The following SIPA1L3 variants were observed in gnomAD, a reference collection of about 807,000 sequenced individuals.
The protein encoded by SIPA1L3 is signal-induced proliferation-associated 1-like protein 3.
SIPA1L3 carries 59 observed loss-of-function variants against 150.1 expected under a neutral mutation model. The observed-to-expected ratio is 0.39, with a 90% CI of 0.32 to 0.49. SIPA1L3 has a LOEUF of 0.49. Ranked by LOEUF, SIPA1L3 falls within the 20% of genes least tolerant of loss-of-function variation. SIPA1L3 has a pLI of 0.86. For synonymous variants in SIPA1L3, 1,070 were observed against 1,077.6 expected (o/e 0.99, Z 0.14); for missense variants, 2,211 against 2,489.5 (o/e 0.89, Z 2.38).
chr19:37,999,077 G>A (rs1169007976), intron 1 of SIPA1L3, among the ~76,000 whole-genome samples: 1 of 151,996 alleles, frequency 6.6e-6, no homozygotes, highest in African/African-American at 2.4e-5. Context: ...GCTGCCCACA[G>A]ACAGTTGGGA....
chr19:38,185,798 C>A (rs1474537164), intron 16 of SIPA1L3: 1 of 152,132 alleles, frequency 6.6e-6, no homozygotes, highest in Non-Finnish European at 1.5e-5. Context: ...ACCCTAATGA[C>A]CTCATTTTCA....
intron 10 of SIPA1L3, among the ~76,000 whole-genome samples, chr19:38,138,304 G>A (rs1317491111): frequency 1.3e-5 from 2 of 152,098 alleles, no homozygotes; most frequent in East Asian, 3.9e-4. Flanking sequence ...CTTACTGGCT[G>A]TTTCACCTTG....
At chr19:38,080,832 A>G (rs895588289) in intron 2 of SIPA1L3, among the ~76,000 whole-genome samples, 2 of 151,956 alleles carry the variant, frequency 1.3e-5, no homozygotes, top group Non-Finnish European at 2.9e-5. Context: ...TTAGCCGGGC[A>G]TGGTAGCACA....
intron 12 of SIPA1L3, among the ~76,000 whole-genome samples, chr19:38,148,679 T>A (rs1341920570): frequency 6.6e-6 from 1 of 152,148 alleles, no homozygotes; most frequent in Non-Finnish European, 1.5e-5. Flanking sequence ...CACAGTCCTG[T>A]CTGTTTTGGT....
Position 38,192,326 on chromosome 19 carries a change from TCCCCCGCTCCCGAC to T in SIPA1L3, c.4596+21_4596+34del, listed in dbSNP as rs1003427467. The T allele has an allele frequency of 1.9e-6, 3 of 1,568,064 alleles. No individual in the cohort carries two copies. The African/African-American group carries it at 4.1e-5, about 22-fold the overall frequency. On this transcript the variant is annotated intron_variant, in intron 17 of 21. Coordinates refer to ENST00000222345, the MANE Select transcript of SIPA1L3 (RefSeq NM_015073.3). ...AGACACGGGAGTACGTAGGGCCCTG[TCCCCCGCTCCCGAC>T]CCCCAGCTCCCAAGGGGATCCCAGA...
At chr19:38,153,855 A>G (rs1422142372) in intron 13 of SIPA1L3, among the ~76,000 whole-genome samples, 1 of 151,752 alleles carries the variant, frequency 6.6e-6, no homozygotes, top group Admixed American at 6.6e-5. Flanking sequence ...AATTGCTTGA[A>G]CCTGGGAGGC....
chr19:38,079,891 G>A (rs953067678), intron 2 of SIPA1L3, among the ~76,000 whole-genome samples: 9 of 152,158 alleles, frequency 5.9e-5, no homozygotes, highest in Admixed American at 2.0e-4. Flanking sequence ...TCATGGGAAG[G>A]AACCAGCCCC....
intron 1 of SIPA1L3, among the ~76,000 whole-genome samples, chr19:38,018,893 G>T (rs1246743145): frequency 6.6e-6 from 1 of 152,096 alleles, no homozygotes. Flanking sequence ...GTGAGGTAGT[G>T]CCCATTATTG....
At chr19:38,100,371 G>A (rs1320958431) in intron 5 of SIPA1L3, among the ~76,000 whole-genome samples, 1 of 152,228 alleles carries the variant, frequency 6.6e-6, no homozygotes, top group African/African-American at 2.4e-5. Context: ...CTGGGGGTGA[G>A]ATAGCTGCTA....
At chr19:37,997,111 C>T (rs907264154) in intron 1 of SIPA1L3, among the ~76,000 whole-genome samples, 1 of 152,156 alleles carries the variant, frequency 6.6e-6, no homozygotes, top group African/African-American at 2.4e-5. Flanking sequence ...ATGCTAGATA[C>T]ACAACATAAT....
intron 1 of SIPA1L3, among the ~76,000 whole-genome samples, chr19:37,980,059 A>T (rs1288767475): frequency 6.6e-6 from 1 of 152,138 alleles, no homozygotes; most frequent in East Asian, 1.9e-4. Flanking sequence ...CTGTGGAGGG[A>T]TGTATTCAGG....
In SIPA1L3 at chr19:38,076,768, C is replaced by T. The variant is rs150025725; in HGVS notation, c.-310-4488C>T. On this transcript the variant is annotated intron_variant, in intron 2 of 21. Transcript: ENST00000222345. ...TGCAGCTGCAGTTGCCCGCCATTTC[C>T]AGATAAATGAATCCAGTGTGAGGAC... 5.2e-3 allele frequency among the ~76,000 whole-genome samples: 798 copies of T among 152,284 alleles called. 4 individuals carry two copies. The highest frequency in any genetic ancestry group is 0.018 in the African/African-American group (762 of 41,552).
intron 13 of SIPA1L3, among the ~76,000 whole-genome samples, chr19:38,153,961 A>C (rs780001788): frequency 6.6e-6 from 1 of 152,144 alleles, no homozygotes; most frequent in South Asian, 2.1e-4. Flanking sequence ...AGCCTACATG[A>C]TGAAGACACA....
intron 1 of SIPA1L3, among the ~76,000 whole-genome samples, chr19:38,028,626 T>G (rs1968570142): frequency 1.3e-5 from 2 of 152,136 alleles, no homozygotes; most frequent in Non-Finnish European, 2.9e-5. Flanking sequence ...TGAGGACAGC[T>G]ACTTTGTCTT....
intron 21 of SIPA1L3, 86 bp from the exon 22 acceptor site, chr19:38,206,011 C>T: frequency 7.1e-7 from 1 of 1,412,512 alleles, no homozygotes; most frequent in Non-Finnish European, 9.4e-7. Flanking sequence ...ACAGCCGGGC[C>T]AGGGCTCACA....
rs149728646 is a variant in SIPA1L3, at chr19:38,082,564, G to A, written c.999G>A (p.Pro333=). Residue 333 remains proline (P), a synonymous_variant, in exon 3 of 22, where the codon CCG becomes CCA. Coordinates refer to ENST00000222345, the MANE Select transcript of SIPA1L3 (RefSeq NM_015073.3). The part of the protein sequence containing the change: ...EGRSPPEASR[P]WVCQKSFAHF... ...GGAGCCCCCCGGAAGCCAGCAGGCC[G>A]TGGGTGTGTCAGAAGAGCTTCGCCC... is the stretch of plus-strand genomic sequence containing the variant. The A allele has an allele frequency of 2.9e-5, 46 of 1,604,020 alleles. No homozygotes were observed. The African/African-American group carries it at 3.2e-4, about 11-fold the overall frequency.
intron 1 of SIPA1L3, among the ~76,000 whole-genome samples, chr19:37,926,181 T>C (rs1047393164): frequency 2.6e-5 from 4 of 152,204 alleles, no homozygotes; most frequent in Admixed American, 2.6e-4. Context: ...CAATCCTTTC[T>C]TGCTGTGAGG....
rs749979391 is a variant in SIPA1L3, at chr19:38,142,641, G to A, written c.3464G>A (p.Arg1155Gln). Residue 1155 changes from arginine to glutamine, a missense_variant, in exon 12 of 22, where the codon CGA (arginine) becomes CAA (glutamine). Arg to Gln is a conservative substitution (Grantham distance 43). Coordinates refer to ENST00000222345, the MANE Select transcript of SIPA1L3 (RefSeq NM_015073.3). ...GGGGCCGACAGAGTCCCTCCCTACC[G>A]ACAGCCTTCTGGGAGCTTCTCCACC... ...PAGADRVPPY[R>Q]QPSGSFSTPG... 1.4e-5 allele frequency: 23 copies of A among 1,613,824 alleles called. No homozygotes were observed. In the Admixed American group the frequency reaches 3.2e-4, roughly 22 times the overall value.
At chr19:38,023,393 G>C (rs1568506541) in intron 1 of SIPA1L3, among the ~76,000 whole-genome samples, 1 of 152,180 alleles carries the variant, frequency 6.6e-6, no homozygotes, top group Non-Finnish European at 1.5e-5. Context: ...ATAGAATATA[G>C]GTCATAAGAG....
Sources: gnomAD v4.1 joint callset for allele counts (sites outside exome capture counted in the v4.1 genomes callset) on GRCh38, gnomAD v4.1.1 for gene constraint, MANE v1.5 for transcripts, NCBI Gene and HGNC (gene_info 2026-07-23, HGNC 2026-07-21) for gene names.